The following DPP10 variants were observed in gnomAD, a reference collection of about 807,000 sequenced individuals.
DPP10 encodes the protein inactive dipeptidyl peptidase 10.
In DPP10, 33 loss-of-function variants were observed where a neutral mutation model predicts 120.9. That is an observed-to-expected ratio of 0.27 (90% CI 0.21 to 0.37). The LOEUF is 0.37. Among genes scored for constraint, DPP10 ranks in the 10% least tolerant of loss-of-function variants. DPP10 has a pLI of 1.00. For synonymous variants in DPP10, 337 were observed against 326.1 expected (o/e 1.03, Z -0.36); for missense variants, 816 against 942.8 (o/e 0.87, Z 1.76).
chr2:115,631,786 T>G (rs1346338593), intron 5 of DPP10, among the ~76,000 whole-genome samples: 1 of 152,182 alleles, frequency 6.6e-6, no homozygotes, highest in Admixed American at 6.5e-5. Flanking sequence ...CTGGTTGTTA[T>G]GATTTCAGTT....
At position 114,831,087 on chromosome 2, in the gene DPP10, T is replaced by C. The variant is rs1201131286; in HGVS notation, c.60+388249T>C. Among the ~76,000 whole-genome samples the C allele has an allele frequency of 3.5e-5, 5 of 142,292 alleles. No individual in the cohort carries two copies. In the East Asian group the frequency reaches 8.0e-4, roughly 23 times the overall value. The allele number at this position is 142,292 out of a possible 152,430, so 93.3% of individuals were successfully genotyped here. On this transcript the variant is annotated intron_variant, in intron 1 of 25. Coordinates refer to ENST00000410059, the MANE Select transcript of DPP10 (RefSeq NM_020868.6). Reference sequence around the variant, plus strand: ...AAATTTTCAAAGAACATCAGAAATGTTGTATTAAAAAACAGATGATGGGGC... The same window carrying C: ...AAATTTTCAAAGAACATCAGAAATGCTGTATTAAAAAACAGATGATGGGGC...
chr2:115,473,786 G>A (rs2074890093), intron 3 of DPP10, among the ~76,000 whole-genome samples: 1 of 152,124 alleles, frequency 6.6e-6, no homozygotes, highest in Non-Finnish European at 1.5e-5. Context: ...TTGTGACATA[G>A]AGAACATTAT....
intron 19 of DPP10, among the ~76,000 whole-genome samples, chr2:115,807,828 G>GT (rs1575842274): frequency 1.4e-4 from 20 of 145,574 alleles, no homozygotes; most frequent in East Asian, 1.2e-3. Context: ...TATATGTTTG[G>GT]GTTTTTTTTA....
rs772177473 is a variant in DPP10, at chr2:115,836,143, T to TATA, written c.1951-14_1951-13insATA. 6 of 1,406,906 alleles carry TATA rather than the reference T, an allele frequency of 4.3e-6. No individual in the cohort carries two copies. The highest frequency in any genetic ancestry group is 3.5e-5 in the African/African-American group (2 of 56,452). The allele number at this position is 1,406,906 out of a possible 1,614,324, so 87.2% of individuals were successfully genotyped here. ...AGATATATATATATATATATATATATTTTTCCCCCCCAGGGTTATGGTGGC... is the reference window on the plus strand; with the variant it reads ...AGATATATATATATATATATATATATATATTTTCCCCCCCAGGGTTATGGTGGC... On this transcript the variant is annotated splice_polypyrimidine_tract_variant and intron_variant, in intron 21 of 25. Coordinates refer to ENST00000410059, the MANE Select transcript of DPP10 (RefSeq NM_020868.6).
chr2:115,588,153 T>A (rs1424035429), intron 5 of DPP10, among the ~76,000 whole-genome samples: 7 of 152,214 alleles, frequency 4.6e-5, no homozygotes, highest in African/African-American at 1.7e-4. Flanking sequence ...ACTTGAATAA[T>A]TTCTGCTTAT....
At chr2:115,002,155 A>G (rs1318572607) in intron 1 of DPP10, among the ~76,000 whole-genome samples, 4 of 152,276 alleles carry the variant, frequency 2.6e-5, no homozygotes, top group Non-Finnish European at 5.9e-5. Context: ...AGTAATCAAA[A>G]CAGCACGGTA....
chr2:115,306,152 A>G (rs547417571), intron 1 of DPP10, among the ~76,000 whole-genome samples: 1 of 152,182 alleles, frequency 6.6e-6, no homozygotes, highest in African/African-American at 2.4e-5. Flanking sequence ...GCTCTCAAGT[A>G]GCGGAGTTGG....
At chr2:115,001,855 C>A (rs1323818207) in intron 1 of DPP10, among the ~76,000 whole-genome samples, 1 of 152,044 alleles carries the variant, frequency 6.6e-6, no homozygotes, top group African/African-American at 2.4e-5. Flanking sequence ...ACAAGAATTA[C>A]AAAACACTGC....
chr2:114,768,967 T>C (rs931817285), intron 1 of DPP10, among the ~76,000 whole-genome samples: 10 of 152,234 alleles, frequency 6.6e-5, no homozygotes, highest in Middle Eastern at 6.8e-3. Flanking sequence ...ACTTTAGAAG[T>C]TGACATTTAT....
chr2:115,361,996 GTGTGTGTATGTTT>G (rs141159460), intron 3 of DPP10, among the ~76,000 whole-genome samples: 99,421 of 149,368 alleles, frequency 0.67, 32,836 homozygotes, highest in Admixed American at 0.74. Context: ...GTGTATGTTT[GTGTGTGTATGTTT>G]TGTGTGTATG....
intron 3 of DPP10, among the ~76,000 whole-genome samples, chr2:115,400,049 A>G (rs956851989): frequency 6.6e-6 from 1 of 152,214 alleles, no homozygotes; most frequent in Non-Finnish European, 1.5e-5. Context: ...AGAGACGGGG[A>G]GGGGTGCTAC....
chr2:114,846,298 A>G (rs1688542292), intron 1 of DPP10, among the ~76,000 whole-genome samples: 1 of 152,176 alleles, frequency 6.6e-6, no homozygotes, highest in African/African-American at 2.4e-5. Flanking sequence ...CATGACATTC[A>G]AGTAATTTTC....
chr2:115,338,509 C>T (rs1047037544), intron 2 of DPP10, among the ~76,000 whole-genome samples: 18 of 151,964 alleles, frequency 1.2e-4, no homozygotes, highest in Non-Finnish European at 1.6e-4. Flanking sequence ...AGTGAAGTGG[C>T]GCAGTGGCAC....
At chr2:115,239,888 T>C (rs185942388) in intron 1 of DPP10, among the ~76,000 whole-genome samples, 1 of 152,274 alleles carries the variant, frequency 6.6e-6, no homozygotes. Context: ...TTGCTGAGAA[T>C]CATGGTTTCC....
chr2:115,565,453 TAAAAA>T (rs995919401), intron 5 of DPP10, among the ~76,000 whole-genome samples: 9 of 152,136 alleles, frequency 5.9e-5, no homozygotes, highest in African/African-American at 2.2e-4. Flanking sequence ...AATACATTGA[TAAAAA>T]AGAAAATTAA....
At chr2:114,699,570 C>T (rs1369397342) in intron 1 of DPP10, among the ~76,000 whole-genome samples, 2 of 152,118 alleles carry the variant, frequency 1.3e-5, no homozygotes, top group South Asian at 2.1e-4. Context: ...AGGAAAGAAA[C>T]CTTAGCAGTC....
At chr2:114,615,342 C>T (rs1047409773) in intron 1 of DPP10, among the ~76,000 whole-genome samples, 9 of 152,080 alleles carry the variant, frequency 5.9e-5, no homozygotes, top group East Asian at 1.9e-4. Flanking sequence ...ATATTGGCCA[C>T]GGTTGTAGTT....
intron 3 of DPP10, among the ~76,000 whole-genome samples, chr2:115,422,977 A>G (rs1019168046): frequency 3.3e-5 from 5 of 152,260 alleles, no homozygotes; most frequent in Admixed American, 2.0e-4. Flanking sequence ...TTTTCTCTAA[A>G]GCGTCACTGT....
intron 7 of DPP10, among the ~76,000 whole-genome samples, chr2:115,712,240 A>G (rs576213613): frequency 4.6e-5 from 7 of 150,642 alleles, no homozygotes; most frequent in Non-Finnish European, 1.0e-4. Flanking sequence ...TTTCATAAGG[A>G]GCATGCCACC....
Sources: gnomAD v4.1 joint callset for allele counts (sites outside exome capture counted in the v4.1 genomes callset) on GRCh38, gnomAD v4.1.1 for gene constraint, MANE v1.5 for transcripts, NCBI Gene and HGNC (gene_info 2026-07-23, HGNC 2026-07-21) for gene names.